CNTNAP2: variants seen among roughly 807,000 people sequenced by gnomAD.
CNTNAP2 encodes the protein contactin-associated protein-like 2.
In CNTNAP2, 98 loss-of-function variants were observed where a neutral mutation model predicts 155.2. That is an observed-to-expected ratio of 0.63 (90% CI 0.54 to 0.75). The LOEUF is 0.75. Ranked by LOEUF, CNTNAP2 falls within the 30% of genes least tolerant of loss-of-function variation. CNTNAP2 has a pLI of 0.00. For synonymous variants in CNTNAP2, 651 were observed against 631.2 expected (o/e 1.03, Z -0.47); for missense variants, 1,727 against 1,688.1 (o/e 1.02, Z -0.40).
intron 1 of CNTNAP2, among the ~76,000 whole-genome samples, chr7:146,155,491 C>T (rs1584776465): frequency 6.6e-6 from 1 of 151,796 alleles, no homozygotes; most frequent in African/African-American, 2.4e-5. Flanking sequence ...TATACTTGTT[C>T]AATTGATAAA....
At chr7:148,256,650 G>A (rs942042053) in intron 20 of CNTNAP2, among the ~76,000 whole-genome samples, 1 of 152,056 alleles carries the variant, frequency 6.6e-6, no homozygotes, top group African/African-American at 2.4e-5. Context: ...CAGGTGATTC[G>A]GGTTTGGAGA....
intron 14 of CNTNAP2, among the ~76,000 whole-genome samples, chr7:147,937,680 G>A (rs185794306): frequency 1.3e-5 from 2 of 152,240 alleles, no homozygotes; most frequent in Admixed American, 6.5e-5. Flanking sequence ...TGAGTCCACT[G>A]AATGAAAGCA....
chr7:147,737,531 C>T (rs1201001389), intron 13 of CNTNAP2, among the ~76,000 whole-genome samples: 1 of 123,126 alleles, frequency 8.1e-6, no homozygotes, highest in Non-Finnish European at 1.9e-5. Flanking sequence ...GGGAGAACCA[C>T]TACTCTTCCA....
intron 1 of CNTNAP2, among the ~76,000 whole-genome samples, chr7:146,177,755 G>A (rs891129558): frequency 6.6e-6 from 1 of 152,014 alleles, no homozygotes; most frequent in East Asian, 1.9e-4. Context: ...GAAATCCTTT[G>A]GCTCTTCCCT....
chr7:147,695,098 C>CT (rs1202125325), intron 13 of CNTNAP2, among the ~76,000 whole-genome samples: 1 of 152,128 alleles, frequency 6.6e-6, no homozygotes, highest in Non-Finnish European at 1.5e-5. Context: ...TTCTAAATAA[C>CT]ACATATCTTC....
chr7:146,536,590 T>TC (rs138445958), intron 1 of CNTNAP2, among the ~76,000 whole-genome samples: 10,664 of 147,178 alleles, frequency 0.072, 430 homozygotes, highest in African/African-American at 0.091. Flanking sequence ...TCCCCCATGT[T>TC]CCCCCCCCAC....
At chr7:146,883,858 G>T (rs552552020) in intron 3 of CNTNAP2, among the ~76,000 whole-genome samples, 1 of 151,952 alleles carries the variant, frequency 6.6e-6, no homozygotes. Flanking sequence ...ACATCAAAGA[G>T]AATGTTAATG....
At chr7:147,189,233 G>A (rs988691168) in intron 8 of CNTNAP2, among the ~76,000 whole-genome samples, 3 of 151,992 alleles carry the variant, frequency 2.0e-5, no homozygotes, top group Non-Finnish European at 2.9e-5. Flanking sequence ...ACTATACATA[G>A]TATTTTATTT....
At chr7:148,389,040 G>C (rs563897218) in intron 22 of CNTNAP2, among the ~76,000 whole-genome samples, 1 of 152,270 alleles carries the variant, frequency 6.6e-6, no homozygotes, top group East Asian at 1.9e-4. Context: ...GCTGCGTGCT[G>C]GGAGAACCAC....
chr7:147,586,010 G>C (rs984836951), intron 12 of CNTNAP2, among the ~76,000 whole-genome samples: 1 of 152,120 alleles, frequency 6.6e-6, no homozygotes, highest in Non-Finnish European at 1.5e-5. Flanking sequence ...ATACATGTAA[G>C]ATGTACATTG....
intron 21 of CNTNAP2, among the ~76,000 whole-genome samples, chr7:148,330,953 T>C (rs111065140): frequency 0.8 from 116,261 of 144,800 alleles, 46,451 homozygotes; most frequent in African/African-American, 0.83. Flanking sequence ...ATGGAGTGGA[T>C]GGATAGAGTG....
chr7:146,357,438 A>G (rs1795015755), intron 1 of CNTNAP2, among the ~76,000 whole-genome samples: 1 of 152,056 alleles, frequency 6.6e-6, no homozygotes, highest in African/African-American at 2.4e-5. Context: ...AATCTATAAG[A>G]TCATATCTTA....
chr7:146,961,446 A>T (rs1797557089), intron 3 of CNTNAP2, among the ~76,000 whole-genome samples: 2 of 152,214 alleles, frequency 1.3e-5, no homozygotes. Flanking sequence ...TGTAATTCGA[A>T]GTGAAGAACT....
intron 1 of CNTNAP2, among the ~76,000 whole-genome samples, chr7:146,767,695 C>A (rs1032939293): frequency 4.6e-5 from 7 of 152,146 alleles, no homozygotes; most frequent in African/African-American, 1.4e-4. Flanking sequence ...TCAATGAGTT[C>A]TTTGCCCTAA....
chr7:146,634,471 TAG>T (rs1799565162), intron 1 of CNTNAP2, among the ~76,000 whole-genome samples: 1 of 152,158 alleles, frequency 6.6e-6, no homozygotes, highest in African/African-American at 2.4e-5. Context: ...CAAACATCAA[TAG>T]AGAGATTTTT....
intron 3 of CNTNAP2, among the ~76,000 whole-genome samples, chr7:146,984,593 A>T (rs1018619659): frequency 2.6e-5 from 4 of 152,098 alleles, no homozygotes; most frequent in African/African-American, 9.7e-5. Context: ...CATTGAAAGG[A>T]TGAGATGATA....
intron 14 of CNTNAP2, among the ~76,000 whole-genome samples, chr7:147,910,158 C>T (rs1800036450): frequency 6.6e-6 from 1 of 152,076 alleles, no homozygotes; most frequent in African/African-American, 2.4e-5. Context: ...TAAAAATAAT[C>T]GTTATAATTT....
intron 1 of CNTNAP2, among the ~76,000 whole-genome samples, chr7:146,299,682 T>C (rs1800573813): frequency 6.6e-6 from 1 of 152,130 alleles, no homozygotes; most frequent in South Asian, 2.1e-4. Context: ...ATAACAAGCA[T>C]GAGCCACTGC....
chr7:148,037,331 A>T (rs574234103), intron 15 of CNTNAP2, among the ~76,000 whole-genome samples: 18 of 152,352 alleles, frequency 1.2e-4, no homozygotes, highest in African/African-American at 4.3e-4. Context: ...TTGGCTTCTG[A>T]CTTAATATAA....
Sources: allele counts gnomAD v4.1 joint callset (sites outside exome capture counted in the v4.1 genomes callset), GRCh38; gene constraint gnomAD v4.1.1; transcripts MANE v1.5; gene names NCBI Gene and HGNC (gene_info 2026-07-23, HGNC 2026-07-21).